SNX29: variants seen among roughly 807,000 people sequenced by gnomAD.
The protein encoded by SNX29 is sorting nexin 29.
A neutral mutation model predicts 102.1 loss-of-function variants in SNX29; 78 were observed. That is an observed-to-expected ratio of 0.76 (90% CI 0.64 to 0.92). The LOEUF (loss-of-function observed/expected upper bound fraction) is 0.92. Among genes scored for constraint, SNX29 ranks in the 40% least tolerant of loss-of-function variants. SNX29 has a pLI of 0.00. For missense variants in SNX29, 1,280 were observed against 1,061.7 expected, an observed-to-expected ratio of 1.21 and a Z score of -2.86; for synonymous variants, 580 against 414.5, an observed-to-expected ratio of 1.40 and a Z score of -4.85.
rs1227375193 is a variant in SNX29, at chr16:12,398,520, C to T, written c.1955+19C>T. 4 of 1,613,900 alleles carry T rather than the reference C, an allele frequency of 2.5e-6. No individual in the cohort carries two copies. The highest frequency in any genetic ancestry group is 1.7e-4 in the Middle Eastern group (1 of 6,060). ...TTGAAATGTAAGTCCACAGCCTGTG[C>T]TCACAAGGGGTCCTTTAGAAACTGG... On this transcript the variant is annotated intron_variant, in intron 17 of 20. Transcript: ENST00000566228.
chr16:12,270,114 G>A lies in SNX29; in HGVS notation c.1679-7819G>A, dbSNP rs111576081. On this transcript the variant is annotated intron_variant, in intron 14 of 20. Coordinates refer to ENST00000566228, the MANE Select transcript of SNX29 (RefSeq NM_032167.5). Reference sequence around the variant, plus strand: ...GACCTCAAGTGATCCACCCACCTTGGCCTCCCAAAGTCCTAGAGATTACAG... The same window carrying A: ...GACCTCAAGTGATCCACCCACCTTGACCTCCCAAAGTCCTAGAGATTACAG... 4.9e-3 allele frequency among the ~76,000 whole-genome samples: 753 copies of A among 152,128 alleles called. 6 individuals carry two copies. Among genetic ancestry groups the A allele is most frequent in the African/African-American group, 0.017 (717 of 41,514 alleles).
At chr16:12,319,700 CG>C (rs1347631128) in intron 15 of SNX29, among the ~76,000 whole-genome samples, 3 of 152,164 alleles carry the variant, frequency 2.0e-5, no homozygotes, top group Non-Finnish European at 4.4e-5. Flanking sequence ...AAGATTGTCT[CG>C]GCCATAGCTC....
At chr16:12,065,438 G>A (rs552626460) in intron 9 of SNX29, among the ~76,000 whole-genome samples, 1 of 152,294 alleles carries the variant, frequency 6.6e-6, no homozygotes, top group African/African-American at 2.4e-5. Context: ...CCTGTGTTTA[G>A]TATTGGGTTT....
intron 10 of SNX29, among the ~76,000 whole-genome samples, chr16:12,073,846 GTGC>G (rs1326015552): frequency 6.6e-6 from 1 of 151,794 alleles, no homozygotes; most frequent in African/African-American, 2.4e-5. Context: ...ATGAATCTGG[GTGC>G]TCCTGTATTG....
chr16:12,443,214 A>G (rs1368411498), intron 18 of SNX29: 2 of 337,392 alleles, frequency 5.9e-6, no homozygotes, highest in African/African-American at 2.2e-5. Flanking sequence ...TGCTGGGGAC[A>G]TGGCATTGCG....
chr16:12,121,220 G>A (rs952253752), intron 11 of SNX29, among the ~76,000 whole-genome samples: 8 of 152,176 alleles, frequency 5.3e-5, no homozygotes, highest in African/African-American at 1.4e-4. Context: ...CTAGCCCAGG[G>A]GACAGTGTGC....
In SNX29 at chr16:12,547,898, T is replaced by G. The variant is rs4080100; in HGVS notation, c.2319-20608T>G. Among the ~76,000 whole-genome samples, 403 of 152,260 alleles carry G rather than the reference T, an allele frequency of 2.6e-3. 1 individual carries two copies. Among genetic ancestry groups the G allele is most frequent in the African/African-American group, 9.5e-3 (394 of 41,556 alleles). On this transcript the variant is annotated intron_variant, in intron 20 of 20. Coordinates refer to ENST00000566228, the MANE Select transcript of SNX29 (RefSeq NM_032167.5). Reference sequence around the variant, plus strand: ...CTTCAGCAGCAGTTCTAGGGCTGTATAGGAGCTGCTCTTAGGGGTTCAGGG... The same window carrying G: ...CTTCAGCAGCAGTTCTAGGGCTGTAGAGGAGCTGCTCTTAGGGGTTCAGGG...
chr16:12,421,894 T>TCCATCA (rs942833074), intron 18 of SNX29, among the ~76,000 whole-genome samples: 2 of 135,770 alleles, frequency 1.5e-5, no homozygotes, highest in African/African-American at 4.9e-5. Context: ...TCACCAGCCG[T>TCCATCA]CCATCACCAT....
intron 20 of SNX29, among the ~76,000 whole-genome samples, chr16:12,538,567 G>C (rs904120894): frequency 2.6e-5 from 4 of 152,172 alleles, no homozygotes; most frequent in Admixed American, 2.6e-4. Context: ...ACTGGTCTTA[G>C]CTGAGCTGGC....
chr16:12,351,150 G>T (rs894798428), intron 15 of SNX29, among the ~76,000 whole-genome samples: 1 of 152,136 alleles, frequency 6.6e-6, no homozygotes, highest in African/African-American at 2.4e-5. Flanking sequence ...CCCTGCAGGG[G>T]GATTGTAGGA....
chr16:12,071,613 A>G (rs1156491257), intron 10 of SNX29, among the ~76,000 whole-genome samples: 3 of 152,202 alleles, frequency 2.0e-5, no homozygotes, highest in African/African-American at 7.2e-5. Context: ...TGATGCCTCC[A>G]GCTTTGTTCT....
intron 16 of SNX29, chr16:12,375,128 G>A (rs148638137): frequency 6.6e-6 from 1 of 152,206 alleles, no homozygotes; most frequent in East Asian, 1.9e-4. Context: ...CAAGAATCCT[G>A]GTGGTGCTTT....
chr16:12,530,636 A>G (rs552674957), intron 20 of SNX29, among the ~76,000 whole-genome samples: 105 of 151,862 alleles, frequency 6.9e-4, no homozygotes, highest in African/African-American at 2.2e-3. Flanking sequence ...GCTCACTGCA[A>G]TTTCCCTCTT....
At chr16:12,191,528 A>AT (rs1567295496) in intron 13 of SNX29, among the ~76,000 whole-genome samples, 1 of 152,114 alleles carries the variant, frequency 6.6e-6, no homozygotes, top group African/African-American at 2.4e-5. Flanking sequence ...TACTAGCATC[A>AT]TTGTCATGGT....
chr16:12,004,776 G>A (rs2056400875), intron 3 of SNX29, among the ~76,000 whole-genome samples: 1 of 152,152 alleles, frequency 6.6e-6, no homozygotes, highest in South Asian at 2.1e-4. Flanking sequence ...TTTGAAACTG[G>A]CACAGATTTA....
At chr16:12,443,603 G>T (rs990564856) in intron 18 of SNX29, among the ~76,000 whole-genome samples, 1 of 152,136 alleles carries the variant, frequency 6.6e-6, no homozygotes, top group African/African-American at 2.4e-5. Context: ...GACATGGACC[G>T]CCATGACTGG....
intron 14 of SNX29, among the ~76,000 whole-genome samples, chr16:12,237,224 C>T (rs1438353527): frequency 6.6e-6 from 1 of 152,094 alleles, no homozygotes; most frequent in African/African-American, 2.4e-5. Context: ...CAGCATAAAA[C>T]AGAAAAAGGG....
At chr16:12,529,843 C>G (rs951195659) in intron 20 of SNX29, among the ~76,000 whole-genome samples, 3 of 152,212 alleles carry the variant, frequency 2.0e-5, no homozygotes, top group African/African-American at 7.2e-5. Context: ...AGCTGCTTTG[C>G]AAGTCACTGC....
At chr16:12,187,329 G>A (rs187257689) in intron 13 of SNX29, among the ~76,000 whole-genome samples, 23 of 152,336 alleles carry the variant, frequency 1.5e-4, no homozygotes, top group African/African-American at 5.3e-4. Context: ...GGAGGCCAAG[G>A]CGGGTAGATC....
Sources: allele counts gnomAD v4.1 joint callset (sites outside exome capture counted in the v4.1 genomes callset), GRCh38; gene constraint gnomAD v4.1.1; transcripts MANE v1.5; gene names NCBI Gene and HGNC (gene_info 2026-07-23, HGNC 2026-07-21).